DPYD: variants seen among roughly 807,000 people sequenced by gnomAD.
The protein encoded by DPYD is dihydropyrimidine dehydrogenase [NADP(+)].
DPYD carries 109 observed loss-of-function variants against 116.2 expected under a neutral mutation model. That is an observed-to-expected ratio of 0.94 (90% CI 0.80 to 1.10). DPYD has a LOEUF of 1.10. Among genes scored for constraint, DPYD ranks in the 50% least tolerant of loss-of-function variants. The pLI is 0.00. For missense variants in DPYD, 1,302 were observed against 1,254.5 expected (o/e 1.04, Z -0.57); for synonymous variants, 440 against 432.0 (o/e 1.02, Z -0.23).
chr1:97,388,493 C>A (rs1176585749), intron 14 of DPYD, among the ~76,000 whole-genome samples: 2 of 151,986 alleles, frequency 1.3e-5, no homozygotes, highest in Non-Finnish European at 2.9e-5. Context: ...AGTGTGATGT[C>A]GTGCCAAGAG....
intron 12 of DPYD, among the ~76,000 whole-genome samples, chr1:97,527,468 A>C (rs1214630429): frequency 1.3e-5 from 2 of 152,210 alleles, no homozygotes; most frequent in South Asian, 2.1e-4. Flanking sequence ...TGATGGTTTG[A>C]TTGAACACAC....
intron 8 of DPYD, among the ~76,000 whole-genome samples, chr1:97,617,989 G>C (rs1656395700): frequency 6.6e-6 from 1 of 152,062 alleles, no homozygotes; most frequent in Non-Finnish European, 1.5e-5. Context: ...GTCATACCAG[G>C]GTCAGATCTG....
At chr1:97,448,185 C>G (rs1676194456) in intron 14 of DPYD, among the ~76,000 whole-genome samples, 2 of 152,122 alleles carry the variant, frequency 1.3e-5, no homozygotes, top group Admixed American at 6.5e-5. Flanking sequence ...CCAATGTACT[C>G]TGGCCTGGGC....
At chr1:97,082,578 A>C (rs1649234360) in intron 21 of DPYD, 108 bp from the exon 22 acceptor site, 1 of 1,277,220 alleles carries the variant, frequency 7.8e-7, no homozygotes, top group African/African-American at 1.5e-5. Context: ...GCATTATATT[A>C]ACTTGGGAGA....
intron 5 of DPYD, among the ~76,000 whole-genome samples, chr1:97,719,040 C>T (rs1478181014): frequency 6.6e-6 from 1 of 151,228 alleles, no homozygotes; most frequent in African/African-American, 2.4e-5. Flanking sequence ...CACAATCACC[C>T]CGGTAGCCTG....
chr1:97,350,640 CCAGAA>C (rs1387041429), intron 16 of DPYD, among the ~76,000 whole-genome samples: 2 of 151,942 alleles, frequency 1.3e-5, no homozygotes, highest in Non-Finnish European at 2.9e-5. Flanking sequence ...TTAAGCACAG[CCAGAA>C]CAGAGTTTCA....
chr1:97,227,753 G>C (rs1462024803), intron 19 of DPYD, among the ~76,000 whole-genome samples: 1 of 150,718 alleles, frequency 6.6e-6, no homozygotes, highest in Admixed American at 6.6e-5. Context: ...ACCACTGAAG[G>C]TAGCACTATA....
In DPYD at chr1:97,573,956, C is replaced by T. The variant is rs2102184853; in HGVS notation, c.1143G>A (p.Lys381=). 1 of 1,613,476 alleles carries T rather than the reference C, an allele frequency of 6.2e-7. No individual in the cohort carries two copies. The highest frequency in any genetic ancestry group is 8.5e-7 in the Non-Finnish European group (1 of 1,179,566). The change falls in exon 11 of 23, where the codon AAG becomes AAA. Residue 381 remains lysine, a synonymous_variant. Coordinates refer to ENST00000370192, the MANE Select transcript of DPYD (RefSeq NM_000110.4). ...RAVPEEMELA[K]EEKCEFLPFL... is the part of the protein sequence containing the mutation. ...ATGGCAGAAATTCACACTTTTCTTC[C>T]TTAGCAAGTTCCATCTAAAACAAAA...
At chr1:97,801,951 C>G (rs1667867775) in intron 3 of DPYD, among the ~76,000 whole-genome samples, 1 of 151,554 alleles carries the variant, frequency 6.6e-6, no homozygotes, top group African/African-American at 2.4e-5. Context: ...CTTAACATAT[C>G]TCCTTTTAAT....
chr1:97,906,003 T>A (rs907496196), intron 1 of DPYD, among the ~76,000 whole-genome samples: 1 of 151,788 alleles, frequency 6.6e-6, no homozygotes, highest in Non-Finnish European at 1.5e-5. Flanking sequence ...TGGAAACATG[T>A]TCTTAAGTAG....
intron 20 of DPYD, among the ~76,000 whole-genome samples, chr1:97,172,125 G>C (rs113118920): frequency 1.1e-4 from 16 of 152,216 alleles, no homozygotes; most frequent in African/African-American, 3.6e-4. Context: ...CACAGAATTT[G>C]AACCGCCCTC....
intron 8 of DPYD, among the ~76,000 whole-genome samples, chr1:97,644,469 C>T (rs887792983): frequency 1.3e-5 from 2 of 152,036 alleles, no homozygotes; most frequent in South Asian, 2.1e-4. Context: ...CCATCTATTG[C>T]CCTGTCTGAA....
At chr1:97,235,711 A>G (rs933253592) in intron 18 of DPYD, among the ~76,000 whole-genome samples, 6 of 152,166 alleles carry the variant, frequency 3.9e-5, no homozygotes, top group Admixed American at 3.3e-4. Context: ...ACATACAGCT[A>G]TGTTATGTTT....
Position 97,677,929 on chromosome 1 carries a change from T to C in DPYD, c.850+1166A>G, listed in dbSNP as rs1318578704. ...AGTGTGTGATCACTTAAAGAGATATTATTTCGAACTTCATATTCTGAGTGT... is the reference window on the plus strand; with the variant it reads ...AGTGTGTGATCACTTAAAGAGATATCATTTCGAACTTCATATTCTGAGTGT... On this transcript the variant is annotated intron_variant, in intron 8 of 22. Coordinates refer to ENST00000370192, the MANE Select transcript of DPYD (RefSeq NM_000110.4). Among the ~76,000 whole-genome samples the C allele has an allele frequency of 5.3e-5, 8 of 152,152 alleles. No individual in the cohort carries two copies. In the East Asian group the frequency reaches 1.5e-3, roughly 29 times the overall value.
chr1:97,371,002 C>T (rs921928751), intron 16 of DPYD, among the ~76,000 whole-genome samples: 5 of 152,036 alleles, frequency 3.3e-5, no homozygotes, highest in East Asian at 1.9e-4. Context: ...GTATGGATTA[C>T]GGCCTTCCCT....
At chr1:97,687,214 T>C (rs778592629) in intron 7 of DPYD, among the ~76,000 whole-genome samples, 11 of 152,100 alleles carry the variant, frequency 7.2e-5, no homozygotes, top group Non-Finnish European at 1.3e-4. Context: ...GAGGTTGAAG[T>C]GAGCCAAGAT....
intron 14 of DPYD, among the ~76,000 whole-genome samples, chr1:97,383,747 T>C (rs1246731931): frequency 6.6e-6 from 1 of 152,024 alleles, no homozygotes; most frequent in Non-Finnish European, 1.5e-5. Context: ...AACGACTAGG[T>C]TTTGCTAGCC....
At chr1:97,382,581 T>A in intron 14 of DPYD, 120 bp from the exon 15 acceptor site, 2 of 558,170 alleles carry the variant, frequency 3.6e-6, no homozygotes, top group South Asian at 4.2e-5. Flanking sequence ...GTTTTCAAAC[T>A]GTGAAAAAAT....
intron 18 of DPYD, among the ~76,000 whole-genome samples, chr1:97,270,900 C>T (rs1461132692): frequency 6.6e-6 from 1 of 152,128 alleles, no homozygotes; most frequent in Non-Finnish European, 1.5e-5. Flanking sequence ...TACTACATAC[C>T]AGGTACTTTG....
Sources: allele counts gnomAD v4.1 joint callset (sites outside exome capture counted in the v4.1 genomes callset), GRCh38; gene constraint gnomAD v4.1.1; transcripts MANE v1.5; gene names NCBI Gene and HGNC (gene_info 2026-07-23, HGNC 2026-07-21).